ATAT1: variants seen among roughly 807,000 people sequenced by gnomAD.
ATAT1 encodes alpha tubulin acetyltransferase 1, also known as alpha-tubulin N-acetyltransferase 1.
A neutral mutation model predicts 57.2 loss-of-function variants in ATAT1; 42 were observed. That is an observed-to-expected ratio of 0.73 (90% CI 0.57 to 0.95). ATAT1 has a LOEUF of 0.95. ATAT1 is among the 40% of genes least tolerant of loss of function. The probability of loss-of-function intolerance (pLI) is 0.00; values close to 1 mark genes in which losing one functional copy is unlikely to be tolerated. For synonymous variants in ATAT1, 168 were observed against 187.1 expected (o/e 0.90, Z 0.83); for missense variants, 454 against 523.7 (o/e 0.87, Z 1.30).
Position 30,640,533 on chromosome 6 carries a change from A to G in ATAT1, c.548-2A>G, listed in dbSNP as rs760110508. 1.9e-6 allele frequency: 3 copies of G among 1,612,810 alleles called. No individual in the cohort carries two copies. Among genetic ancestry groups the G allele is most frequent in the African/African-American group, 1.3e-5 (1 of 74,886 alleles). ...GGGGCCCCGCCGCTTCCTTCCTCAC[A>G]GGGCCCCCTGCTCCCTCTCTGAGGG... On this transcript the variant is annotated splice_acceptor_variant, in intron 7 of 12. Coordinates refer to ENST00000330083, the MANE Select transcript of ATAT1 (RefSeq NM_001031722.4). LOFTEE classifies it high-confidence loss of function.
chr6:30,640,525 T>G lies in ATAT1; in HGVS notation c.548-10T>G. The stretch of plus-strand genomic sequence containing the variant: ...CTCACTGAGGGGCCCCGCCGCTTCC[T>G]TCCTCACAGGGCCCCCTGCTCCCTC... On this transcript the variant is annotated splice_polypyrimidine_tract_variant and intron_variant, in intron 7 of 12. Coordinates refer to ENST00000330083, the MANE Select transcript of ATAT1 (RefSeq NM_001031722.4). The G allele has an allele frequency of 6.2e-7, 1 of 1,612,972 alleles. No homozygotes were observed. Among genetic ancestry groups the G allele is most frequent in the Non-Finnish European group, 8.5e-7 (1 of 1,179,994 alleles).
intron 6 of ATAT1, among the ~76,000 whole-genome samples, chr6:30,633,455 A>G (rs12665339): frequency 0.13 from 19,605 of 152,130 alleles, 1,673 homozygotes; most frequent in East Asian, 0.27. Context: ...AGGACCCCCA[A>G]CTGGCTGCTC....
At chr6:30,645,177 A>C (rs776175206) in intron 10 of ATAT1, among the ~76,000 whole-genome samples, 1 of 151,160 alleles carries the variant, frequency 6.6e-6, no homozygotes, top group Admixed American at 6.6e-5. Flanking sequence ...TAAATTCAAA[A>C]TTCAGCCTTG....
At chr6:30,643,101 G>A in intron 10 of ATAT1, 90 bp downstream of exon 10, 1 of 1,516,238 alleles carries the variant, frequency 6.6e-7, no homozygotes, top group Non-Finnish European at 8.8e-7. Flanking sequence ...TCAGAGAGAT[G>A]GATCAATAAG....
chr6:30,632,598 T>C (rs1192144866), intron 6 of ATAT1, among the ~76,000 whole-genome samples: 2 of 151,944 alleles, frequency 1.3e-5, no homozygotes, highest in Non-Finnish European at 2.9e-5. Flanking sequence ...TCATTTTGGC[T>C]GTGATCTTGA....
rs756513770 is a variant in ATAT1, at chr6:30,646,634, GCC to G, written c.1222_1223del (p.Pro408LeufsTer?). 6.4e-7 allele frequency: 1 copy of G among 1,561,810 alleles called. No individual in the cohort carries two copies. The highest frequency in any genetic ancestry group is 1.2e-5 in the South Asian group (1 of 84,826). On this transcript the variant is annotated frameshift_variant, in exon 13 of 13. Transcript: ENST00000330083. LOFTEE classifies it high-confidence loss of function. ...ACCTGCAGGAACGTCGCAGCACCAG[GCC>G]TTGGTGACCGCAGCCCCGTCAAACA...
chr6:30,638,762 T>A (rs1349879699), intron 6 of ATAT1, among the ~76,000 whole-genome samples: 1 of 152,214 alleles, frequency 6.6e-6, no homozygotes, highest in Non-Finnish European at 1.5e-5. Context: ...CACTTGTAGC[T>A]ACTTGGCATT....
chr6:30,644,735 G>A (rs1471558139), intron 10 of ATAT1: 1 of 724,228 alleles, frequency 1.4e-6, no homozygotes, highest in African/African-American at 1.9e-5. Flanking sequence ...CAGGACCTCT[G>A]TCCCTCTCAT....
In ATAT1 at chr6:30,626,882, G is replaced by A. The variant is rs984636014; in HGVS notation, c.-322G>A. ...GGGGCGGGTCCGACCGCGCACAATG[G>A]GCCATGGAGTTCCCGTTCGATGTGG... On this transcript the variant is annotated 5_prime_UTR_variant, in exon 1 of 13. Coordinates refer to ENST00000330083, the MANE Select transcript of ATAT1 (RefSeq NM_001031722.4). The A allele has an allele frequency of 4.4e-6, 7 of 1,604,722 alleles. No homozygotes were observed. The highest frequency in any genetic ancestry group is 3.4e-6 in the Non-Finnish European group (4 of 1,176,526).
In ATAT1 at chr6:30,626,993, G is replaced by A. The variant is rs2127475482; in HGVS notation, c.-211G>A. The A allele has an allele frequency of 6.3e-7, 1 of 1,590,254 alleles. No homozygotes were observed. The highest frequency in any genetic ancestry group is 8.6e-7 in the Non-Finnish European group (1 of 1,168,012). On this transcript the variant is annotated 5_prime_UTR_variant, in exon 1 of 13. Coordinates refer to ENST00000330083, the MANE Select transcript of ATAT1 (RefSeq NM_001031722.4). ...GACCCGGAACCACAACGCCGGCCCG[G>A]TGACAGCTCAAACCCACCCTCTGGC...
intron 6 of ATAT1, among the ~76,000 whole-genome samples, chr6:30,640,092 G>A (rs964869986): frequency 6.6e-5 from 10 of 151,668 alleles, no homozygotes; most frequent in African/African-American, 2.4e-4. Context: ...GAGCTGTGAT[G>A]GCACCACTGC....
Position 30,642,837 on chromosome 6 carries a change from A to AACC in ATAT1, c.758_759insACC (p.His253delinsGlnPro). On this transcript the variant is annotated protein_altering_variant, in exon 10 of 13. Coordinates refer to ENST00000330083, the MANE Select transcript of ATAT1 (RefSeq NM_001031722.4). ...CCTCGCCGCGCCACACCTCCAGCCC[A>AACC]CCCACCCCCCCGCTCCAGCAGCCTG... 3 of 320,346 alleles carry AACC rather than the reference A, an allele frequency of 9.4e-6. No homozygotes were observed. Among genetic ancestry groups the AACC allele is most frequent in the South Asian group, 3.2e-5 (1 of 31,600 alleles). 19.8% of individuals were successfully genotyped at this position (320,346 alleles called of 1,614,324 possible).
At chr6:30,646,267 C>G in intron 12 of ATAT1, 158 bp downstream of exon 12, 2 of 1,458,298 alleles carry the variant, frequency 1.4e-6, no homozygotes, top group Non-Finnish European at 9.1e-7. Context: ...AGCCCCTTTC[C>G]CCCACAGGTT....
chr6:30,642,833 G>GGGGGGGCCCCCCCCCCCCCCCCCCCCC lies in ATAT1; in HGVS notation c.754_755insGGGGGGCCCCCCCCCCCCCCCCCCCCC (p.Ala252delinsGlyGlyAlaProProProProProProPro). 27 of 1,537,668 alleles carry GGGGGGGCCCCCCCCCCCCCCCCCCCCC rather than the reference G, an allele frequency of 1.8e-5. No individual in the cohort carries two copies. The highest frequency in any genetic ancestry group is 2.4e-5 in the East Asian group (1 of 42,442). ...GGCCCCTCGCCGCGCCACACCTCCA[G>GGGGGGGCCCCCCCCCCCCCCCCCCCCC]CCCACCCACCCCCCCGCTCCAGCAG... On this transcript the variant is annotated protein_altering_variant, in exon 10 of 13. Coordinates refer to ENST00000330083, the MANE Select transcript of ATAT1 (RefSeq NM_001031722.4).
chr6:30,638,781 G>A (rs146398229), intron 6 of ATAT1, among the ~76,000 whole-genome samples: 174 of 152,320 alleles, frequency 1.1e-3, no homozygotes, highest in Middle Eastern at 3.4e-3. Context: ...TTGGCCAAGC[G>A]AAGCCATGTC....
At chr6:30,635,575 C>T (rs1763887834) in intron 6 of ATAT1, among the ~76,000 whole-genome samples, 1 of 146,296 alleles carries the variant, frequency 6.8e-6, no homozygotes, top group East Asian at 2.0e-4. Flanking sequence ...GGCAACAAAG[C>T]GAAACTCCAT....
chr6:30,642,201 G>A lies in ATAT1; in HGVS notation c.642G>A (p.Lys214=), dbSNP rs1400431619. 5.6e-6 allele frequency: 9 copies of A among 1,614,050 alleles called. No homozygotes were observed. Among genetic ancestry groups the A allele is most frequent in the Non-Finnish European group, 5.9e-6 (7 of 1,180,054 alleles). ...CTCCAGCAAGGAAGCTGCCACCCAA[G>A]AGAGCAGAGGGAGACATCAAGCCAT... The change falls in exon 9 of 13, where the codon AAG becomes AAA. Residue 214 remains lysine, a synonymous_variant. Transcript: ENST00000330083.
chr6:30,629,669 C>T (rs1456747056), intron 6 of ATAT1, among the ~76,000 whole-genome samples: 1 of 152,092 alleles, frequency 6.6e-6, no homozygotes, highest in Non-Finnish European at 1.5e-5. Context: ...CTCAGCCTCC[C>T]GAGTAGCTGG....
intron 10 of ATAT1, chr6:30,644,670 A>C (rs1469145841): frequency 3.6e-6 from 3 of 844,530 alleles, no homozygotes; most frequent in South Asian, 1.1e-4. Context: ...AAAGAATCAC[A>C]AAAAAAAAAG....
Sources: gnomAD v4.1 joint callset for allele counts (sites outside exome capture counted in the v4.1 genomes callset) on GRCh38, gnomAD v4.1.1 for gene constraint, MANE v1.5 for transcripts, NCBI Gene and HGNC (gene_info 2026-07-23, HGNC 2026-07-21) for gene names.